The following ADAM29 variants were observed in gnomAD, a reference collection of about 807,000 sequenced individuals.
ADAM29 encodes disintegrin and metalloproteinase domain-containing protein 29.
For synonymous variants in ADAM29, 367 were observed against 342.3 expected, an observed-to-expected ratio of 1.07 and a Z score of -0.80; for missense variants, 969 against 1,001.8, an observed-to-expected ratio of 0.97 and a Z score of 0.44.
At chr4:174,939,707 A>G (rs1215736990) in intron 4 of ADAM29, among the ~76,000 whole-genome samples, 1 of 152,204 alleles carries the variant, frequency 6.6e-6, no homozygotes, top group Non-Finnish European at 1.5e-5. Context: ...AAATTTACCT[A>G]CAAAAGCTTA....
intron 4 of ADAM29, among the ~76,000 whole-genome samples, chr4:174,945,433 C>A (rs1047209549): frequency 1.6e-4 from 25 of 151,936 alleles, no homozygotes; most frequent in African/African-American, 5.8e-4. Flanking sequence ...ATTTTCTCCC[C>A]TTCTGTAGGT....
At chr4:174,923,461 A>G (rs1274568849) in intron 2 of ADAM29, among the ~76,000 whole-genome samples, 2 of 146,852 alleles carry the variant, frequency 1.4e-5, no homozygotes, top group Admixed American at 7.0e-5. Context: ...CTTCAGATCA[A>G]TGTCTCCTCT....
intron 2 of ADAM29, among the ~76,000 whole-genome samples, chr4:174,924,713 G>C (rs1743394524): frequency 6.6e-6 from 1 of 152,128 alleles, no homozygotes; most frequent in Non-Finnish European, 1.5e-5. Flanking sequence ...AGTCTGAAAA[G>C]GCTACATGGT....
At chr4:174,959,207 T>C (rs1057312929) in intron 4 of ADAM29, among the ~76,000 whole-genome samples, 1 of 151,902 alleles carries the variant, frequency 6.6e-6, no homozygotes, top group East Asian at 1.9e-4. Context: ...TTCTCCTTTA[T>C]TTTTGAAGAA....
chr4:174,972,026 C>G (rs1461546074), intron 4 of ADAM29, among the ~76,000 whole-genome samples: 1 of 152,142 alleles, frequency 6.6e-6, no homozygotes, highest in Non-Finnish European at 1.5e-5. Context: ...TCCTCAGCTT[C>G]AAGATTTCTG....
chr4:174,949,563 AG>A lies in ADAM29; in HGVS notation c.-181+12553del, dbSNP rs1175992638. Among the ~76,000 whole-genome samples, 5 of 152,106 alleles carry A rather than the reference AG, an allele frequency of 3.3e-5. No individual in the cohort carries two copies. In the East Asian group the frequency reaches 9.8e-4, roughly 30 times the overall value. Reference sequence around the variant, plus strand: ...GTCCTGGTGCTTATCTACCCTGTGCAGGGTTCTCAGCTTTCTCCCCATTCAG... The same window carrying A: ...GTCCTGGTGCTTATCTACCCTGTGCAGGTTCTCAGCTTTCTCCCCATTCAG... On this transcript the variant is annotated intron_variant, in intron 4 of 4. Coordinates refer to ENST00000359240, the MANE Select transcript of ADAM29 (RefSeq NM_014269.4).
chr4:174,920,200 C>T (rs2110883596), intron 1 of ADAM29, among the ~76,000 whole-genome samples: 1 of 152,234 alleles, frequency 6.6e-6, no homozygotes, highest in East Asian at 1.9e-4. Flanking sequence ...ATGTCAAAAT[C>T]CTACTTTCCT....
intron 4 of ADAM29, among the ~76,000 whole-genome samples, chr4:174,972,640 C>A (rs1746537076): frequency 6.6e-6 from 1 of 152,106 alleles, no homozygotes; most frequent in Admixed American, 6.6e-5. Context: ...GATATTTTTT[C>A]TGCTTGCTCT....
intron 3 of ADAM29, among the ~76,000 whole-genome samples, chr4:174,932,025 A>T (rs887280534): frequency 6.6e-6 from 1 of 152,226 alleles, no homozygotes; most frequent in Non-Finnish European, 1.5e-5. Context: ...AAGGTGGCTA[A>T]CACCTGTAAT....
At chr4:174,967,716 G>A (rs1746231174) in intron 4 of ADAM29, among the ~76,000 whole-genome samples, 1 of 152,126 alleles carries the variant, frequency 6.6e-6, no homozygotes, top group African/African-American at 2.4e-5. Flanking sequence ...CATCCAAGAA[G>A]GTACTGCAGT....
intron 4 of ADAM29, among the ~76,000 whole-genome samples, chr4:174,947,389 A>G (rs1744917993): frequency 6.6e-6 from 1 of 152,148 alleles, no homozygotes; most frequent in Non-Finnish European, 1.5e-5. Context: ...CTAGCACTAA[A>G]AACTTTTCCC....
chr4:174,965,869 TCAA>T (rs1213984438), intron 4 of ADAM29, among the ~76,000 whole-genome samples: 1 of 152,194 alleles, frequency 6.6e-6, no homozygotes, highest in Non-Finnish European at 1.5e-5. Context: ...GATTAGGGCT[TCAA>T]CATGTGAATT....
chr4:174,969,157 T>C (rs1022561263), intron 4 of ADAM29, among the ~76,000 whole-genome samples: 2 of 151,452 alleles, frequency 1.3e-5, no homozygotes, highest in Non-Finnish European at 2.9e-5. Context: ...TTTTCTTTTA[T>C]TTATTTATTA....
chr4:174,919,435 C>G (rs969226999), intron 1 of ADAM29, among the ~76,000 whole-genome samples: 1 of 152,094 alleles, frequency 6.6e-6, no homozygotes, highest in Non-Finnish European at 1.5e-5. Context: ...TTTATCACAC[C>G]ACAGTTTCTG....
At chr4:174,918,770 A>C (rs1743012244) in intron 1 of ADAM29, among the ~76,000 whole-genome samples, 1 of 152,188 alleles carries the variant, frequency 6.6e-6, no homozygotes, top group Non-Finnish European at 1.5e-5. Context: ...AAGAAAAAAA[A>C]ACACAGGGCA....
intron 4 of ADAM29, among the ~76,000 whole-genome samples, chr4:174,948,879 C>T (rs1048772773): frequency 1.3e-5 from 2 of 151,950 alleles, no homozygotes; most frequent in African/African-American, 4.8e-5. Context: ...TTCACATCGG[C>T]GGTGGCAAAG....
At chr4:174,920,880 C>T (rs1438735503) in intron 2 of ADAM29, 88 bp downstream of exon 2, 1 of 152,008 alleles carries the variant, frequency 6.6e-6, no homozygotes, top group Non-Finnish European at 1.5e-5. Context: ...TTTAATAACT[C>T]TAATGGTTCC....
Position 174,975,804 on chromosome 4 carries a change from G to C in ADAM29, c.279G>C (p.Gln93His). 2 of 1,614,166 alleles carry C rather than the reference G, an allele frequency of 1.2e-6. No homozygotes were observed. The highest frequency in any genetic ancestry group is 1.7e-6 in the Non-Finnish European group (2 of 1,180,038). The change falls in exon 5 of 5, where the codon CAG becomes CAC. Residue 93 changes from glutamine (Q) to histidine (H), a missense_variant. By Grantham distance (24) the Gln-to-His change is conservative (BLOSUM62 0). Coordinates refer to ENST00000359240, the MANE Select transcript of ADAM29 (RefSeq NM_014269.4). ...YTDQGAILEDQPFVQNNCYYH... is the reference protein window; with the variant it reads ...YTDQGAILEDHPFVQNNCYYH... ...ACCAGGGTGCTATCCTTGAGGACCA[G>C]CCATTTGTCCAGAATAACTGCTACT...
intron 4 of ADAM29, among the ~76,000 whole-genome samples, chr4:174,974,844 T>C (rs900404937): frequency 6.6e-6 from 1 of 152,178 alleles, no homozygotes. Context: ...GAAAGGTATA[T>C]GATAAGAACC....
Sources: gnomAD v4.1 joint callset for allele counts (sites outside exome capture counted in the v4.1 genomes callset) on GRCh38, gnomAD v4.1.1 for gene constraint, MANE v1.5 for transcripts, NCBI Gene and HGNC (gene_info 2026-07-23, HGNC 2026-07-21) for gene names.